The following CLASP1 variants were observed in gnomAD, a reference collection of about 807,000 sequenced individuals.
CLASP1 encodes cytoplasmic linker associated protein 1, also known as CLIP-associating protein 1.
Under a neutral mutation model 192.3 loss-of-function variants are expected in CLASP1, and 38 were observed. The observed-to-expected ratio is 0.20, with a 90% confidence interval of 0.15 to 0.26. The LOEUF is 0.26. CLASP1 is among the 10% of genes least tolerant of loss of function. CLASP1 has a pLI of 1.00. For missense variants in CLASP1, 1,433 were observed against 1,932.5 expected, an observed-to-expected ratio of 0.74 and a Z score of 4.85; for synonymous variants, 691 against 712.8, an observed-to-expected ratio of 0.97 and a Z score of 0.49.
At chr2:121,583,003 C>T (rs2061370989) in intron 2 of CLASP1, among the ~76,000 whole-genome samples, 2 of 151,982 alleles carry the variant, frequency 1.3e-5, no homozygotes, top group African/African-American at 4.8e-5. Flanking sequence ...CAAGGCTGGC[C>T]TCAAACTCCT....
At chr2:121,406,671 A>G (rs1354267466) in intron 25 of CLASP1, among the ~76,000 whole-genome samples, 1 of 152,048 alleles carries the variant, frequency 6.6e-6, no homozygotes, top group African/African-American at 2.4e-5. Context: ...ATGCACTGCA[A>G]TCTCCAACTC....
At chr2:121,469,025 G>A (rs1250415726) in intron 9 of CLASP1, among the ~76,000 whole-genome samples, 1 of 152,154 alleles carries the variant, frequency 6.6e-6, no homozygotes, top group Non-Finnish European at 1.5e-5. Flanking sequence ...TCCTTTGGAT[G>A]GGGTTTTTTG....
chr2:121,351,653 C>T (rs559326894), intron 37 of CLASP1, among the ~76,000 whole-genome samples: 18 of 152,300 alleles, frequency 1.2e-4, no homozygotes, highest in African/African-American at 4.1e-4. Context: ...TCCATCACCA[C>T]GTAGCCGGCA....
At chr2:121,632,389 G>C (rs185896468) in intron 1 of CLASP1, among the ~76,000 whole-genome samples, 1 of 152,132 alleles carries the variant, frequency 6.6e-6, no homozygotes, top group East Asian at 1.9e-4. Context: ...TCATATATGT[G>C]CAAAAATAAT....
chr2:121,478,769 C>CACA (rs2092086575), intron 8 of CLASP1, among the ~76,000 whole-genome samples: 3 of 78,342 alleles, frequency 3.8e-5, no homozygotes, highest in African/African-American at 2.0e-4. Flanking sequence ...ACACCACACA[C>CACA]CCCACACACA....
At chr2:121,353,361 T>C (rs2064849869) in intron 37 of CLASP1, among the ~76,000 whole-genome samples, 1 of 151,998 alleles carries the variant, frequency 6.6e-6, no homozygotes, top group Non-Finnish European at 1.5e-5. Flanking sequence ...GTTCTAAGAA[T>C]GGGTAACACT....
At chr2:121,512,485 T>TA (rs2094167689) in intron 7 of CLASP1, among the ~76,000 whole-genome samples, 1 of 152,242 alleles carries the variant, frequency 6.6e-6, no homozygotes, top group Non-Finnish European at 1.5e-5. Flanking sequence ...AAAACCATGT[T>TA]AAATGGTCAA....
At chr2:121,421,969 G>A (rs2079577517) in intron 22 of CLASP1, among the ~76,000 whole-genome samples, 1 of 152,204 alleles carries the variant, frequency 6.6e-6, no homozygotes, top group Non-Finnish European at 1.5e-5. Flanking sequence ...GTGAAAATAT[G>A]TTACAGAAGA....
chr2:121,447,578 T>C (rs2084602212), intron 18 of CLASP1, 71 bp from the exon 19 acceptor site: 4 of 1,288,646 alleles, frequency 3.1e-6, no homozygotes, highest in Non-Finnish European at 4.2e-6. Flanking sequence ...TAAAATCTGA[T>C]GTTGTTTTGC....
chr2:121,634,155 C>A (rs60538231), intron 1 of CLASP1, among the ~76,000 whole-genome samples: 1 of 152,156 alleles, frequency 6.6e-6, no homozygotes, highest in Admixed American at 6.6e-5. Flanking sequence ...CATAGTAGCA[C>A]GCTTAATACA....
chr2:121,594,556 C>G (rs987866771), intron 2 of CLASP1, among the ~76,000 whole-genome samples: 5 of 151,718 alleles, frequency 3.3e-5, no homozygotes, highest in Non-Finnish European at 7.4e-5. Context: ...CCACGCCCGG[C>G]TAATTTCTGT....
chr2:121,539,998 GCTA>G (rs1479576095), intron 2 of CLASP1, among the ~76,000 whole-genome samples: 1 of 152,206 alleles, frequency 6.6e-6, no homozygotes, highest in African/African-American at 2.4e-5. Context: ...TCTCCTACAT[GCTA>G]GCAGGAATGT....
At chr2:121,427,567 G>A (rs1454155053) in intron 20 of CLASP1, 137 bp from the exon 21 acceptor site, 14 of 805,716 alleles carry the variant, frequency 1.7e-5, no homozygotes, top group Non-Finnish European at 2.3e-5. Flanking sequence ...TATTTCCTAG[G>A]ACTTGTTCCT....
At chr2:121,561,644 T>C (rs1446079375) in intron 2 of CLASP1, among the ~76,000 whole-genome samples, 1 of 152,204 alleles carries the variant, frequency 6.6e-6, no homozygotes, top group African/African-American at 2.4e-5. Flanking sequence ...ACAAAGTTTG[T>C]GAATTTGTGT....
intron 1 of CLASP1, among the ~76,000 whole-genome samples, chr2:121,621,916 C>T (rs2067429334): frequency 6.6e-6 from 1 of 152,134 alleles, no homozygotes; most frequent in African/African-American, 2.4e-5. Context: ...GGCGTGATCT[C>T]GGCTTACTGC....
chr2:121,648,282 G>GA (rs1158283774), intron 1 of CLASP1, among the ~76,000 whole-genome samples: 1 of 152,204 alleles, frequency 6.6e-6, no homozygotes, highest in African/African-American at 2.4e-5. Flanking sequence ...ATGGCGGCAT[G>GA]AAACTATTTC....
intron 2 of CLASP1, among the ~76,000 whole-genome samples, chr2:121,561,345 A>G (rs1046957391): frequency 2.0e-5 from 3 of 152,254 alleles, no homozygotes; most frequent in African/African-American, 7.2e-5. Flanking sequence ...CTAGGCAAAG[A>G]ATTACTACTG....
intron 2 of CLASP1, among the ~76,000 whole-genome samples, chr2:121,597,679 C>G (rs1039778922): frequency 2.6e-5 from 4 of 152,150 alleles, no homozygotes; most frequent in Non-Finnish European, 5.9e-5. Flanking sequence ...TTTGAAACTG[C>G]GGAGAAAGGC....
intron 24 of CLASP1, among the ~76,000 whole-genome samples, chr2:121,409,930 T>C (rs2077458039): frequency 6.6e-6 from 1 of 152,120 alleles, no homozygotes; most frequent in Non-Finnish European, 1.5e-5. Context: ...TCACAGACAC[T>C]TGTCAAAGAA....
Sources: gnomAD v4.1 joint callset for allele counts (sites outside exome capture counted in the v4.1 genomes callset) on GRCh38, gnomAD v4.1.1 for gene constraint, MANE v1.5 for transcripts, NCBI Gene and HGNC (gene_info 2026-07-23, HGNC 2026-07-21) for gene names.